Variants in DCLK2 observed in about 807,000 individuals in gnomAD.
The protein encoded by DCLK2 is serine/threonine-protein kinase DCLK2.
Under a neutral mutation model 78.4 loss-of-function variants are expected in DCLK2, and 31 were observed. The ratio of observed to expected loss-of-function variants is 0.40; its 90% CI spans 0.30 to 0.53. DCLK2 has a LOEUF of 0.53. Ranked by LOEUF, DCLK2 falls within the 20% of genes least tolerant of loss-of-function variation. DCLK2 has a pLI of 0.61. For synonymous variants in DCLK2, 407 were observed against 374.9 expected, an observed-to-expected ratio of 1.09 and a Z score of -0.99; for missense variants, 872 against 973.7, an observed-to-expected ratio of 0.90 and a Z score of 1.39.
In DCLK2 at chr4:150,079,443, T is replaced by C; in HGVS notation, c.416T>C (p.Leu139Pro). ...AAGGTCACCAGCCTGGACGAGCTGCTGGAAGGTAGGAGGGGAGGGCGCCGC... is the reference window on the plus strand; with the variant it reads ...AAGGTCACCAGCCTGGACGAGCTGCCGGAAGGTAGGAGGGGAGGGCGCCGC... ...SRKVTSLDEL[L>P]EGESYVCASN... Residue 139 changes from leucine (L) to proline (P), a missense_variant, in exon 1 of 16, where the codon CTG becomes CCG. Leu to Pro is a moderately conservative substitution (Grantham distance 98). This residue lies in a region of DCLK2 where 567 missense variants were observed against 593.4 expected (regional missense o/e 0.96). Transcript: ENST00000296550. The C allele has an allele frequency of 6.6e-7, 1 of 1,516,200 alleles. No individual in the cohort carries two copies. The highest frequency in any genetic ancestry group is 8.9e-7 in the Non-Finnish European group (1 of 1,127,208). 93.9% of individuals were successfully genotyped at this position (1,516,200 alleles called of 1,614,324 possible). A position where few individuals can be genotyped will look rare whatever the true frequency, so the allele number is the denominator to read the frequency against.
At chr4:150,139,042 A>G (rs1733921125) in intron 2 of DCLK2, among the ~76,000 whole-genome samples, 1 of 151,918 alleles carries the variant, frequency 6.6e-6, no homozygotes, top group African/African-American at 2.4e-5. Flanking sequence ...TACATTGAAA[A>G]ATTTTTTTCA....
At chr4:150,101,647 T>C (rs1730899516) in intron 1 of DCLK2, among the ~76,000 whole-genome samples, 1 of 152,118 alleles carries the variant, frequency 6.6e-6, no homozygotes, top group East Asian at 1.9e-4. Flanking sequence ...TCTCAACATA[T>C]AATTTTTGGA....
At chr4:150,183,972 G>A (rs1226704774) in intron 2 of DCLK2, among the ~76,000 whole-genome samples, 1 of 152,052 alleles carries the variant, frequency 6.6e-6, no homozygotes, top group East Asian at 1.9e-4. Flanking sequence ...GACCCCAAGT[G>A]ATCTGCCTGC....
At chr4:150,231,042 C>T (rs1312416842) in intron 8 of DCLK2, among the ~76,000 whole-genome samples, 7 of 152,222 alleles carry the variant, frequency 4.6e-5, no homozygotes, top group Non-Finnish European at 8.8e-5. Flanking sequence ...TAAATATTTT[C>T]AGCTTACAGC....
In DCLK2 at chr4:150,249,718, G is replaced by A. The variant is rs377401305; in HGVS notation, c.2073+34G>A. 288 of 1,570,404 alleles carry A rather than the reference G, an allele frequency of 1.8e-4. 2 individuals carry two copies. Among genetic ancestry groups the A allele is most frequent in the Non-Finnish European group, 2.3e-4 (263 of 1,141,548 alleles). On this transcript the variant is annotated intron_variant, in intron 15 of 15. Transcript: ENST00000296550. Reference sequence around the variant, plus strand: ...AAGGCGGCAGGTCTGGCCTGACTGCGGAGCCGGCCTTGAAGTTTTTGAATT... The same window carrying A: ...AAGGCGGCAGGTCTGGCCTGACTGCAGAGCCGGCCTTGAAGTTTTTGAATT...
chr4:150,176,219 C>A (rs1406466737), intron 2 of DCLK2, among the ~76,000 whole-genome samples: 1 of 152,160 alleles, frequency 6.6e-6, no homozygotes, highest in African/African-American at 2.4e-5. Context: ...CGCCATGAAT[C>A]TAATACTATG....
At chr4:150,150,046 T>C (rs1332254228) in intron 2 of DCLK2, among the ~76,000 whole-genome samples, 1 of 152,216 alleles carries the variant, frequency 6.6e-6, no homozygotes, top group Non-Finnish European at 1.5e-5. Context: ...TACTGACTTC[T>C]TAAAAATGGA....
intron 2 of DCLK2, among the ~76,000 whole-genome samples, chr4:150,143,897 GT>G (rs1201811612): frequency 2.0e-5 from 3 of 146,844 alleles, no homozygotes; most frequent in African/African-American, 5.0e-5. Context: ...TAATAGGATT[GT>G]TTTTTTTTTC....
intron 2 of DCLK2, among the ~76,000 whole-genome samples, chr4:150,175,918 C>G (rs1272507368): frequency 6.6e-6 from 1 of 152,034 alleles, no homozygotes; most frequent in Non-Finnish European, 1.5e-5. Context: ...TAATAGAGCT[C>G]CTGCACTGAG....
chr4:150,145,216 G>A (rs1374322337), intron 2 of DCLK2, among the ~76,000 whole-genome samples: 1 of 151,572 alleles, frequency 6.6e-6, no homozygotes, highest in Non-Finnish European at 1.5e-5. Flanking sequence ...GGTGACTCTT[G>A]ACTTTCACTC....
chr4:150,221,202 C>G (rs1478417781), intron 6 of DCLK2, among the ~76,000 whole-genome samples: 1 of 152,158 alleles, frequency 6.6e-6, no homozygotes, highest in Non-Finnish European at 1.5e-5. Flanking sequence ...AGGAATTAGC[C>G]TTAACAAGGC....
At chr4:150,245,200 T>G (rs558115071) in intron 12 of DCLK2, among the ~76,000 whole-genome samples, 2 of 152,276 alleles carry the variant, frequency 1.3e-5, no homozygotes, top group South Asian at 4.2e-4. Flanking sequence ...AAGAAAACAT[T>G]TTGACACTAA....
intron 4 of DCLK2, among the ~76,000 whole-genome samples, chr4:150,202,493 G>T (rs1328548641): frequency 6.6e-6 from 1 of 152,170 alleles, no homozygotes; most frequent in Non-Finnish European, 1.5e-5. Context: ...CATAAACGCA[G>T]ATATTCCTGT....
intron 10 of DCLK2, among the ~76,000 whole-genome samples, chr4:150,235,281 G>C (rs545358572): frequency 1.3e-5 from 2 of 152,294 alleles, no homozygotes; most frequent in African/African-American, 4.8e-5. Context: ...TGTATGTAAA[G>C]AATCTGACAC....
At position 150,102,584 on chromosome 4, in the gene DCLK2, G is replaced by A. The variant is rs768859056; in HGVS notation, c.528G>A (p.Ala176=). 22 of 1,614,010 alleles carry A rather than the reference G, an allele frequency of 1.4e-5. 1 individual carries two copies. In the African/African-American group the frequency reaches 1.6e-4, roughly 12 times the overall value. Residue 176 remains alanine, a synonymous_variant, in exon 2 of 16, where the codon GCG becomes GCA. Coordinates refer to ENST00000296550, the MANE Select transcript of DCLK2 (RefSeq NM_001040260.4). ...SVNIKGGTSR[A]LAAASSVKSE... ...ACATCAAGGGTGGGACATCCCGAGCGCTGGCTGCTGCCTCCTCTGTGAAAA... is the reference window on the plus strand; with the variant it reads ...ACATCAAGGGTGGGACATCCCGAGCACTGGCTGCTGCCTCCTCTGTGAAAA...
At chr4:150,097,122 A>G (rs1195646527) in intron 1 of DCLK2, among the ~76,000 whole-genome samples, 1 of 151,992 alleles carries the variant, frequency 6.6e-6, no homozygotes, top group Admixed American at 6.6e-5. Context: ...ATGGAAATAA[A>G]TGTGTAAGAA....
chr4:150,240,784 GA>G (rs1180296734), intron 12 of DCLK2, among the ~76,000 whole-genome samples: 293 of 132,426 alleles, frequency 2.2e-3, no homozygotes, highest in African/African-American at 5.4e-3. Context: ...AAAAAAATCA[GA>G]AAAAAAAAAT....
At chr4:150,096,962 A>G (rs573215658) in intron 1 of DCLK2, among the ~76,000 whole-genome samples, 5 of 152,178 alleles carry the variant, frequency 3.3e-5, no homozygotes, top group African/African-American at 1.2e-4. Flanking sequence ...ATAATCCTAT[A>G]AAGAGGGCTG....
chr4:150,221,145 A>C (rs1358737771), intron 6 of DCLK2, among the ~76,000 whole-genome samples: 1 of 152,220 alleles, frequency 6.6e-6, no homozygotes, highest in East Asian at 1.9e-4. Flanking sequence ...AGAAGTGGGC[A>C]GATCTTAACC....
Sources: allele counts gnomAD v4.1 joint callset (sites outside exome capture counted in the v4.1 genomes callset), GRCh38; gene constraint gnomAD v4.1.1; regional missense constraint gnomAD v4.1.1; transcripts MANE v1.5; gene names NCBI Gene and HGNC (gene_info 2026-07-23, HGNC 2026-07-21).